Variants in PALM2AKAP2 observed in about 807,000 individuals in gnomAD.
The protein encoded by PALM2AKAP2 is PALM2-AKAP2 fusion protein.
PALM2AKAP2 carries 37 observed loss-of-function variants against 71.5 expected under a neutral mutation model. The observed-to-expected ratio is 0.52, with a 90% CI of 0.40 to 0.68. PALM2AKAP2 has a LOEUF of 0.68. Among genes scored for constraint, PALM2AKAP2 ranks in the 30% least tolerant of loss-of-function variants. The probability of loss-of-function intolerance (pLI) is 0.00; values close to 1 mark genes in which losing one functional copy is unlikely to be tolerated. For synonymous variants in PALM2AKAP2, 468 were observed against 478.8 expected (o/e 0.98, Z 0.29); for missense variants, 1,224 against 1,191.8 (o/e 1.03, Z -0.40).
chr9:109,909,586 G>A (rs974795201), intron 3 of PALM2AKAP2, among the ~76,000 whole-genome samples: 1 of 152,170 alleles, frequency 6.6e-6, no homozygotes, highest in Non-Finnish European at 1.5e-5. Flanking sequence ...GTAAACTGGA[G>A]TTAGGGAAGG....
intron 6 of PALM2AKAP2, among the ~76,000 whole-genome samples, chr9:109,933,963 A>G (rs1368426912): frequency 6.6e-6 from 1 of 152,236 alleles, no homozygotes; most frequent in African/African-American, 2.4e-5. Context: ...GATACAGTCC[A>G]TCTTGCTTTA....
chr9:109,685,329 G>A (rs948639773), intron 1 of PALM2AKAP2, among the ~76,000 whole-genome samples: 3 of 152,052 alleles, frequency 2.0e-5, no homozygotes, highest in South Asian at 2.1e-4. Context: ...TGAAAAAGCC[G>A]ATTTTTTACT....
intron 1 of PALM2AKAP2, among the ~76,000 whole-genome samples, chr9:109,865,959 ACT>A (rs1829438355): frequency 6.6e-6 from 1 of 152,070 alleles, no homozygotes; most frequent in South Asian, 2.1e-4. Context: ...TCTTGCACAC[ACT>A]CTGGGATTAA....
At chr9:109,936,014 TG>T (rs2132016625) in intron 6 of PALM2AKAP2, among the ~76,000 whole-genome samples, 1 of 152,340 alleles carries the variant, frequency 6.6e-6, no homozygotes, top group East Asian at 1.9e-4. Flanking sequence ...GACTTATTTT[TG>T]TTACTACTGA....
At chr9:109,780,357 G>A (rs1201015901), upstream of PALM2AKAP2, 7 of 1,568,612 alleles carry the variant, frequency 4.5e-6, no homozygotes, top group African/African-American at 5.4e-5. Context: ...CCCCTGGAGC[G>A]GATCCCCAGC....
intron 1 of PALM2AKAP2, among the ~76,000 whole-genome samples, chr9:109,661,765 G>A (rs929464887): frequency 2.6e-5 from 4 of 152,030 alleles, no homozygotes; most frequent in Admixed American, 6.6e-5. Context: ...GCAGCAAGGC[G>A]ATTTTCAAGA....
chr9:110,002,466 C>T (rs10283535), intron 6 of PALM2AKAP2, among the ~76,000 whole-genome samples: 2,166 of 151,926 alleles, frequency 0.014, 27 homozygotes, highest in Non-Finnish European at 0.018. Flanking sequence ...CATCGATGTT[C>T]ATCAGGGATA....
intron 2 of PALM2AKAP2, among the ~76,000 whole-genome samples, chr9:110,146,857 T>G (rs1836186173): frequency 6.6e-6 from 1 of 151,986 alleles, no homozygotes; most frequent in Non-Finnish European, 1.5e-5. Context: ...GTAACGAGAT[T>G]TTCTTTCTCA....
chr9:110,156,475 G>A (rs72757010), exon 3 of PALM2AKAP2: 16,142 of 1,609,242 alleles, frequency 0.01, 102 homozygotes, highest in Non-Finnish European at 0.012. Flanking sequence ...TCTAAAAGGC[G>A]CGAGAGAATG....
At position 109,691,861 on chromosome 9, in the gene PALM2AKAP2, TATATATACAC is replaced by T. The variant is rs1340129573; in HGVS notation, c.5+50997_5+51006del. 8.5e-4 allele frequency among the ~76,000 whole-genome samples: 38 copies of T among 44,606 alleles called. 2 individuals are homozygous for T. The highest frequency in any genetic ancestry group is 2.8e-3 in the East Asian group (2 of 724). The allele number at this position is 44,606 out of a possible 152,430, so 29.3% of individuals were successfully genotyped here. The stretch of plus-strand genomic sequence containing the variant: ...ATATATATATATATATATATATATA[TATATATACAC>T]ACACACACACATATATATATATATA... On this transcript the variant is annotated intron_variant, in intron 1 of 6. Coordinates refer to the PALM2AKAP2 transcript ENST00000374531.
At chr9:109,680,205 A>T (rs982948300) in intron 1 of PALM2AKAP2, among the ~76,000 whole-genome samples, 2 of 152,178 alleles carry the variant, frequency 1.3e-5, no homozygotes, top group African/African-American at 4.8e-5. Context: ...TTTGGTTTTG[A>T]TTCAAATGAT....
At chr9:109,859,536 A>G (rs373709629) in intron 1 of PALM2AKAP2, among the ~76,000 whole-genome samples, 32 of 152,382 alleles carry the variant, frequency 2.1e-4, no homozygotes, top group African/African-American at 7.5e-4. Flanking sequence ...CAGGTACCCA[A>G]CAAATGTGTA....
intron 1 of PALM2AKAP2, chr9:110,127,919 A>T (rs1290430374): frequency 1.3e-5 from 2 of 152,288 alleles, no homozygotes; most frequent in African/African-American, 4.8e-5. Context: ...CTTGCTGGGG[A>T]TGGCGGATCA....
chr9:110,070,136 G>A (rs1383115174), intron 1 of PALM2AKAP2, among the ~76,000 whole-genome samples: 1 of 152,200 alleles, frequency 6.6e-6, no homozygotes, highest in Non-Finnish European at 1.5e-5. Context: ...AAAACCCATA[G>A]TGGAAACACT....
At chr9:109,938,698 G>A (rs1195056376) in intron 6 of PALM2AKAP2, among the ~76,000 whole-genome samples, 1 of 152,078 alleles carries the variant, frequency 6.6e-6, no homozygotes, top group Non-Finnish European at 1.5e-5. Flanking sequence ...CATTAAGAAG[G>A]TGTTCTGTTC....
chr9:109,883,817 G>A (rs1019776212), intron 3 of PALM2AKAP2, among the ~76,000 whole-genome samples: 2 of 152,192 alleles, frequency 1.3e-5, no homozygotes, highest in South Asian at 2.1e-4. Flanking sequence ...GCTCACCTAC[G>A]TGACTCTAAT....
chr9:110,022,278 C>G (rs1833086269), intron 7 of PALM2AKAP2, among the ~76,000 whole-genome samples: 1 of 152,086 alleles, frequency 6.6e-6, no homozygotes, highest in Non-Finnish European at 1.5e-5. Context: ...GGGAAGATTG[C>G]TTGAGCCCAG....
At chr9:110,077,919 C>G (rs1424035228) in intron 1 of PALM2AKAP2, among the ~76,000 whole-genome samples, 1 of 151,026 alleles carries the variant, frequency 6.6e-6, no homozygotes, top group African/African-American at 2.4e-5. Flanking sequence ...GAGGCTGAGA[C>G]AGGAGAATCG....
At chr9:110,044,573 A>G (rs1214184976), upstream of PALM2AKAP2, among the ~76,000 whole-genome samples, 1 of 151,404 alleles carries the variant, frequency 6.6e-6, no homozygotes, top group African/African-American at 2.4e-5. Flanking sequence ...GCTGGTCTCA[A>G]ACTACTGACC....
Sources: allele counts gnomAD v4.1 joint callset (sites outside exome capture counted in the v4.1 genomes callset), GRCh38; gene constraint gnomAD v4.1.1; transcripts MANE v1.5; gene names NCBI Gene and HGNC (gene_info 2026-07-23, HGNC 2026-07-21).